The following DMD variants were observed in gnomAD, a reference collection of about 807,000 sequenced individuals.
DMD encodes mutant dystrophin.
In DMD, 63 loss-of-function variants were observed where a neutral mutation model predicts 330.1. The ratio of observed to expected loss-of-function variants is 0.19; its 90% CI spans 0.16 to 0.24. The LOEUF is 0.24. Ranked by LOEUF, DMD falls within the 10% of genes least tolerant of loss-of-function variation. DMD has a pLI of 1.00. For synonymous variants in DMD, 1,223 were observed against 959.8 expected, an observed-to-expected ratio of 1.27 and a Z score of -5.07; for missense variants, 3,344 against 2,684.1, an observed-to-expected ratio of 1.25 and a Z score of -5.43.
chrX:33,178,329 G>T (rs2049786396), intron 1 of DMD, among the ~76,000 whole-genome samples: 1 of 111,810 alleles, frequency 8.9e-6, no homozygotes, highest in African/African-American at 3.3e-5. Flanking sequence ...ACCGAAAGTT[G>T]CACAGAAAGA....
At chrX:32,172,723 CAT>C (rs2096892108) in intron 44 of DMD, among the ~76,000 whole-genome samples, 1 of 111,898 alleles carries the variant, frequency 8.9e-6, no homozygotes, top group East Asian at 2.8e-4. Context: ...GGCCAGAAAC[CAT>C]ATGTTATTCA....
intron 3 of DMD, among the ~76,000 whole-genome samples, chrX:32,847,952 T>G (rs1007822138): frequency 2.7e-5 from 3 of 112,347 alleles, no homozygotes; most frequent in African/African-American, 9.7e-5. Flanking sequence ...GAGAAAGGCT[T>G]ATCTCATATC....
intron 62 of DMD, among the ~76,000 whole-genome samples, chrX:31,307,867 G>C (rs187989703): frequency 1.6e-3 from 181 of 111,396 alleles, no homozygotes; most frequent in Non-Finnish European, 2.6e-3. Flanking sequence ...TAAGACAGTG[G>C]TCCCCAGCCT....
intron 2 of DMD, among the ~76,000 whole-genome samples, chrX:32,982,080 G>C (rs2092720983): frequency 9.0e-6 from 1 of 111,677 alleles, no homozygotes; most frequent in Admixed American, 9.5e-5. Flanking sequence ...AAGATAAACT[G>C]TATGTTTCTA....
chrX:32,693,994 C>T (rs941043715), intron 9 of DMD, among the ~76,000 whole-genome samples: 1 of 112,034 alleles, frequency 8.9e-6, no homozygotes, highest in African/African-American at 3.2e-5. Flanking sequence ...TCCCAGACAT[C>T]GTACCCTACT....
intron 27 of DMD, 106 bp from the exon 28 acceptor site, chrX:32,441,420 T>G (rs1214773593): frequency 1.2e-6 from 1 of 810,288 alleles, no homozygotes; most frequent in African/African-American, 2.0e-5. Flanking sequence ...ACTTTGTATT[T>G]TTCACCTTTA....
intron 44 of DMD, among the ~76,000 whole-genome samples, chrX:32,061,836 C>T (rs767833146): frequency 6.3e-5 from 7 of 111,229 alleles, no homozygotes; most frequent in African/African-American, 2.0e-4. Context: ...AGAAAGGAAA[C>T]GCATAGGAAA....
At chrX:31,801,296 C>T (rs1347968363) in intron 50 of DMD, among the ~76,000 whole-genome samples, 1 of 110,886 alleles carries the variant, frequency 9.0e-6, no homozygotes, top group Non-Finnish European at 1.9e-5. Flanking sequence ...ACCATCAGAT[C>T]TCATGAGAAC....
intron 74 of DMD, among the ~76,000 whole-genome samples, chrX:31,162,236 G>A (rs2038900405): frequency 9.2e-6 from 1 of 108,118 alleles, no homozygotes; most frequent in Non-Finnish European, 1.9e-5. Flanking sequence ...GAATTGAACA[G>A]AATTACATCC....
intron 18 of DMD, among the ~76,000 whole-genome samples, chrX:32,515,302 T>A (rs1285799553): frequency 9.0e-6 from 1 of 111,427 alleles, no homozygotes; most frequent in Non-Finnish European, 1.9e-5. Context: ...TCGAGGTACC[T>A]ATACTCTGGG....
rs760423474 is a variant in DMD, at chrX:32,088,526, T to C, written c.6439-120012A>G. ...AAAAAAAAAAAAAAAAGTACAAATA[T>C]TTATTTTTGCCATCATAAGCTAAAT... On this transcript the variant is annotated intron_variant, in intron 44 of 78. Transcript: ENST00000357033. 3.6e-5 allele frequency among the ~76,000 whole-genome samples: 4 copies of C among 109,916 alleles called. No individual in the cohort carries two copies. The East Asian group carries it at 8.5e-4, about 23-fold the overall frequency.
intron 13 of DMD, among the ~76,000 whole-genome samples, chrX:32,585,852 C>G (rs2054237076): frequency 9.3e-6 from 1 of 107,319 alleles, no homozygotes; most frequent in Non-Finnish European, 1.9e-5. Context: ...ATTTATTGTT[C>G]AACTCATAAA....
At chrX:33,101,650 G>C (rs1455807778) in intron 1 of DMD, among the ~76,000 whole-genome samples, 1 of 110,570 alleles carries the variant, frequency 9.0e-6, no homozygotes. Context: ...GAAAAGAAAA[G>C]AAGAAAAAAA....
intron 2 of DMD, among the ~76,000 whole-genome samples, chrX:32,933,853 G>A (rs1467265997): frequency 1.8e-5 from 2 of 111,708 alleles, no homozygotes; most frequent in Admixed American, 1.9e-4. Flanking sequence ...GAATTGCAGA[G>A]CAGGCACACC....
chrX:31,675,794 T>C (rs2082045992), intron 53 of DMD, among the ~76,000 whole-genome samples: 1 of 112,490 alleles, frequency 8.9e-6, no homozygotes, highest in Admixed American at 9.4e-5. Context: ...ACAACATTGA[T>C]AAATATTTAT....
At chrX:31,593,645 C>T (rs1357152004) in intron 55 of DMD, among the ~76,000 whole-genome samples, 1 of 110,614 alleles carries the variant, frequency 9.0e-6, no homozygotes, top group Non-Finnish European at 1.9e-5. Flanking sequence ...TAGCTTTTTC[C>T]TCGACTTTAT....
rs202016139 is a variant in DMD at position 32,877,224 on chromosome X, TCTGA to T, written c.94-27408_94-27405del. On this transcript the variant is annotated intron_variant, in intron 2 of 78. Coordinates refer to ENST00000357033, the MANE Select transcript of DMD (RefSeq NM_004006.3). ...GGGGAAATGTATATGGATTGATATG[TCTGA>T]CTGACAAGAACTCAAAATTTAAATG... Among the ~76,000 whole-genome samples the T allele has an allele frequency of 2.8e-3, 315 of 112,256 alleles. 1 individual carries two copies. In the East Asian group the frequency reaches 0.046, roughly 16 times the overall value.
At chrX:31,792,753 G>A (rs1450706395) in intron 50 of DMD, among the ~76,000 whole-genome samples, 2 of 111,549 alleles carry the variant, frequency 1.8e-5, no homozygotes, top group East Asian at 2.8e-4. Flanking sequence ...CTAGGTGGAG[G>A]CGTCTGCGAC....
rs184868685 is a variant in DMD at position 31,653,865 on chromosome X, C to T, written c.8027+4125G>A. 4.8e-3 allele frequency among the ~76,000 whole-genome samples: 541 copies of T among 111,628 alleles called. 4 individuals carry two copies. Among genetic ancestry groups the T allele is most frequent in the Middle Eastern group, 0.019 (4 of 215 alleles). On this transcript the variant is annotated intron_variant, in intron 54 of 78. Coordinates refer to ENST00000357033, the MANE Select transcript of DMD (RefSeq NM_004006.3). ...TACGATAAGGAAAACAACATATTTT[C>T]CTACATAGGTCACAACAATAATCTA... is the stretch of plus-strand genomic sequence containing the variant.
Sources: allele counts gnomAD v4.1 joint callset (sites outside exome capture counted in the v4.1 genomes callset), GRCh38; gene constraint gnomAD v4.1.1; transcripts MANE v1.5; gene names NCBI Gene and HGNC (gene_info 2026-07-23, HGNC 2026-07-21).